Variants in FHIP1A observed in about 807,000 individuals in gnomAD.
The protein encoded by FHIP1A is FHF complex subunit HOOK interacting protein 1A.
In FHIP1A, 61 loss-of-function variants were observed where a neutral mutation model predicts 88.6. The observed-to-expected ratio is 0.69, with a 90% CI of 0.56 to 0.85. FHIP1A has a LOEUF of 0.85. FHIP1A is among the 40% of genes least tolerant of loss of function. The pLI, the probability that FHIP1A is intolerant of heterozygous loss-of-function variation, is 0.00. For missense variants in FHIP1A, 1,154 were observed against 1,273.5 expected (o/e 0.91, Z 1.43); for synonymous variants, 478 against 496.0 (o/e 0.96, Z 0.48).
Position 151,665,293 on chromosome 4 carries a change from T to G in FHIP1A, c.*2539T>G, listed in dbSNP as rs1737621267. Among the ~76,000 whole-genome samples the G allele has an allele frequency of 6.6e-6, 1 of 152,196 alleles. No individual in the cohort carries two copies. The highest frequency in any genetic ancestry group is 2.4e-5 in the African/African-American group (1 of 41,444). On this transcript the variant is annotated 3_prime_UTR_variant, in exon 14 of 14. Coordinates refer to ENST00000435205, the MANE Select transcript of FHIP1A (RefSeq NM_001109977.3). ...GGTCCAGCCTGAAGTAGACTTACTTTAAATGAGGACAGAGATGACTGGTGT... is the reference window on the plus strand; with the variant it reads ...GGTCCAGCCTGAAGTAGACTTACTTGAAATGAGGACAGAGATGACTGGTGT...
chr4:151,474,528 A>C (rs759969203), intron 2 of FHIP1A, among the ~76,000 whole-genome samples: 1 of 152,250 alleles, frequency 6.6e-6, no homozygotes, highest in Non-Finnish European at 1.5e-5. Context: ...GAGGAAAAGA[A>C]CATTAAGAAT....
intron 7 of FHIP1A, among the ~76,000 whole-genome samples, chr4:151,622,355 A>C (rs1404345150): frequency 2.0e-5 from 3 of 152,192 alleles, no homozygotes; most frequent in Non-Finnish European, 2.9e-5. Flanking sequence ...CTGATGCAAA[A>C]GATTATGAGC....
intron 1 of FHIP1A, among the ~76,000 whole-genome samples, chr4:151,413,072 A>T (rs2126503936): frequency 6.6e-6 from 1 of 152,318 alleles, no homozygotes; most frequent in East Asian, 1.9e-4. Context: ...GTGTATGTGT[A>T]AGTGTGTGTA....
intron 5 of FHIP1A, among the ~76,000 whole-genome samples, chr4:151,580,301 A>G (rs979703597): frequency 1.3e-5 from 2 of 152,176 alleles, no homozygotes; most frequent in African/African-American, 4.8e-5. Flanking sequence ...TTTCCTGCAA[A>G]TTGGACTTAG....
intron 1 of FHIP1A, among the ~76,000 whole-genome samples, chr4:151,419,491 T>C (rs547386263): frequency 6.6e-6 from 1 of 151,990 alleles, no homozygotes; most frequent in East Asian, 1.9e-4. Context: ...AACCATTGGC[T>C]GATTCTCAGG....
intron 1 of FHIP1A, among the ~76,000 whole-genome samples, chr4:151,450,735 T>G (rs1728762461): frequency 6.6e-6 from 1 of 152,234 alleles, no homozygotes; most frequent in Admixed American, 6.5e-5. Flanking sequence ...GAATGACAAA[T>G]GTTTCAGTGG....
At chr4:151,470,184 C>A (rs1332064180) in intron 2 of FHIP1A, among the ~76,000 whole-genome samples, 1 of 152,178 alleles carries the variant, frequency 6.6e-6, no homozygotes, top group Non-Finnish European at 1.5e-5. Flanking sequence ...AGTGCCTCAG[C>A]ATATTACACT....
intron 3 of FHIP1A, among the ~76,000 whole-genome samples, chr4:151,487,411 C>T (rs568807353): frequency 1.3e-5 from 2 of 152,170 alleles, no homozygotes; most frequent in African/African-American, 4.8e-5. Flanking sequence ...TCCCTCAGGG[C>T]CTGCTTTTTC....
At chr4:151,459,436 C>T (rs1020314157) in intron 2 of FHIP1A, among the ~76,000 whole-genome samples, 1 of 152,134 alleles carries the variant, frequency 6.6e-6, no homozygotes, top group Non-Finnish European at 1.5e-5. Flanking sequence ...TAGGGAATCC[C>T]TTCTGTTAAC....
At chr4:151,537,952 T>C (rs747192288) in intron 3 of FHIP1A, among the ~76,000 whole-genome samples, 11 of 152,182 alleles carry the variant, frequency 7.2e-5, no homozygotes, top group Admixed American at 1.3e-4. Context: ...TGCCAATTCT[T>C]CCACAATTTC....
chr4:151,468,241 C>T (rs551060598), intron 2 of FHIP1A, among the ~76,000 whole-genome samples: 24 of 143,758 alleles, frequency 1.7e-4, no homozygotes, highest in Admixed American at 2.1e-4. Flanking sequence ...GCCGAGATTG[C>T]GCCACTGCAC....
intron 4 of FHIP1A, among the ~76,000 whole-genome samples, chr4:151,566,759 C>T (rs1733404052): frequency 6.6e-6 from 1 of 152,096 alleles, no homozygotes; most frequent in South Asian, 2.1e-4. Flanking sequence ...AAACATTTAC[C>T]AAGTACTCTG....
intron 7 of FHIP1A, among the ~76,000 whole-genome samples, chr4:151,613,925 G>A (rs1172031533): frequency 3.3e-5 from 5 of 152,186 alleles, no homozygotes; most frequent in African/African-American, 1.2e-4. Context: ...CACTTTGGGA[G>A]GCTGAGGTGG....
chr4:151,670,148 G>A lies in FHIP1A; in HGVS notation c.*7394G>A, dbSNP rs1482127026. 1 of 152,212 alleles carries A rather than the reference G, an allele frequency of 6.6e-6. No individual in the cohort carries two copies. The highest frequency in any genetic ancestry group is 1.9e-4 in the East Asian group (1 of 5,196). 9.4% of individuals were successfully genotyped at this position (152,212 alleles called of 1,614,324 possible). A position where few individuals can be genotyped will look rare whatever the true frequency, so the allele number is the denominator to read the frequency against. On this transcript the variant is annotated 3_prime_UTR_variant, in exon 14 of 14. Transcript: ENST00000435205. ...CAAAACTGGTCTTTAAGCGACGTGA[G>A]TCAGAGGTAACAAAGGCATATATAT...
chr4:151,466,940 C>A (rs1213719758), intron 2 of FHIP1A, among the ~76,000 whole-genome samples: 2 of 152,128 alleles, frequency 1.3e-5, no homozygotes, highest in African/African-American at 4.8e-5. Context: ...ATGATGAAAA[C>A]ACCAAAAGCA....
chr4:151,466,652 T>A (rs10027242), intron 2 of FHIP1A, among the ~76,000 whole-genome samples: 101,804 of 151,896 alleles, frequency 0.67, 35,953 homozygotes, highest in African/African-American at 0.92. Flanking sequence ...AATGGAACAG[T>A]ACAGAGACCT....
intron 7 of FHIP1A, among the ~76,000 whole-genome samples, chr4:151,627,029 A>G (rs1317278479): frequency 1.3e-5 from 2 of 152,222 alleles, no homozygotes; most frequent in African/African-American, 4.8e-5. Context: ...ATTTTCTGGT[A>G]TAAAAAGCTC....
intron 3 of FHIP1A, among the ~76,000 whole-genome samples, chr4:151,490,243 C>T (rs1315787461): frequency 2.0e-5 from 3 of 152,170 alleles, no homozygotes; most frequent in African/African-American, 4.8e-5. Flanking sequence ...CAAGGACTCC[C>T]GCAGAGTCCA....
rs1364352557 is a variant in FHIP1A, at chr4:151,650,229, TC to T, written c.2192del (p.Pro731LeufsTer11). ...AAPESNSELA[S>X]PAPEAEHSSN... ...CCCAGAATCCAACTCAGAGTTAGCA[TC>T]CCCTGCCCCTGAGGCAGAGCACAGC... On this transcript the variant is annotated frameshift_variant, in exon 11 of 14. Transcript: ENST00000435205. LOFTEE classifies it high-confidence loss of function. The T allele has an allele frequency of 6.4e-7, 1 of 1,551,644 alleles. No individual in the cohort carries two copies. The highest frequency in any genetic ancestry group is 2.0e-5 in the Admixed American group (1 of 51,004).
Sources: allele counts gnomAD v4.1 joint callset (sites outside exome capture counted in the v4.1 genomes callset), GRCh38; gene constraint gnomAD v4.1.1; transcripts MANE v1.5; gene names NCBI Gene and HGNC (gene_info 2026-07-23, HGNC 2026-07-21).